Variants in PPIB observed in about 807,000 individuals in gnomAD.
The protein encoded by PPIB is peptidylprolyl isomerase B.
Under a neutral mutation model 20.1 loss-of-function variants are expected in PPIB, and 15 were observed. The observed-to-expected ratio is 0.75, with a 90% CI of 0.50 to 1.15. The LOEUF is 1.15. PPIB is among the 50% of genes most tolerant of loss of function. The pLI is 0.00. For missense variants in PPIB, 278 were observed against 283.0 expected (o/e 0.98, Z 0.13); for synonymous variants, 129 against 111.0 (o/e 1.16, Z -1.02).
At chr15:64,162,592 G>C (rs982611840) in intron 1 of PPIB, among the ~76,000 whole-genome samples, 4 of 152,204 alleles carry the variant, frequency 2.6e-5, no homozygotes, top group Non-Finnish European at 4.4e-5. Flanking sequence ...GCACTGAGGG[G>C]TGTTTGCAAA....
In PPIB at chr15:64,156,396, G is replaced by C; in HGVS notation, c.529-251C>G. The C allele has an allele frequency of 3.2e-6, 2 of 633,450 alleles. No homozygotes were observed. Among genetic ancestry groups the C allele is most frequent in the Non-Finnish European group, 5.6e-6 (2 of 356,782 alleles). The allele number at this position is 633,450 out of a possible 1,614,324, so 39.2% of individuals were successfully genotyped here. On this transcript the variant is annotated intron_variant, in intron 4 of 4. Coordinates refer to ENST00000300026, the MANE Select transcript of PPIB (RefSeq NM_000942.5). This position sits in a 1 kb window ranked among gnomAD's most constrained non-coding sequence, Gnocchi z 6.4. ...GGCCAAGGGTGAGGAGGAGGAAGAGGGTGACCAGGGCATGTGGCTTCTCAG... is the reference window on the plus strand; with the variant it reads ...GGCCAAGGGTGAGGAGGAGGAAGAGCGTGACCAGGGCATGTGGCTTCTCAG...
Position 64,160,328 on chromosome 15 carries a change from G to T in PPIB, c.250-131C>A. The stretch of plus-strand genomic sequence containing the variant: ...GACACCACTGCTGACCACTTTCACT[G>T]TTCAGTGTGCTACTAAGTGAGCGGG... On this transcript the variant is annotated intron_variant, in intron 2 of 4. Coordinates refer to ENST00000300026, the MANE Select transcript of PPIB (RefSeq NM_000942.5). This position sits in a 1 kb window ranked among gnomAD's most constrained non-coding sequence, Gnocchi z 4.8. 1 of 769,058 alleles carries T rather than the reference G, an allele frequency of 1.3e-6. No individual in the cohort carries two copies. The highest frequency in any genetic ancestry group is 2.3e-6 in the Non-Finnish European group (1 of 436,762). The allele number at this position is 769,058 out of a possible 1,614,324, so 47.6% of individuals were successfully genotyped here. A position where few individuals can be genotyped will look rare whatever the true frequency, so the allele number is the denominator to read the frequency against.
At chr15:64,162,374 A>C (rs1395270823) in intron 1 of PPIB, among the ~76,000 whole-genome samples, 2 of 152,210 alleles carry the variant, frequency 1.3e-5, no homozygotes, top group African/African-American at 4.8e-5. Flanking sequence ...CCCTCCTTGG[A>C]CTACAGGATA....
At position 64,158,087 on chromosome 15, in the gene PPIB, G is replaced by A. The variant is rs529454711; in HGVS notation, c.344-1178C>T. Among the ~76,000 whole-genome samples, 60 of 152,198 alleles carry A rather than the reference G, an allele frequency of 3.9e-4. No individual in the cohort carries two copies. Among genetic ancestry groups the A allele is most frequent in the Non-Finnish European group, 8.2e-4 (56 of 68,006 alleles). On this transcript the variant is annotated intron_variant, in intron 3 of 4. Transcript: ENST00000300026. The surrounding 1 kb of genome is among the most constrained non-coding windows in gnomAD (Gnocchi z 4.7). ...TCCAGCCACTCTCTCAAGATACAGG[G>A]GTTCCAAACTCAAATGGACATTTCT...
At position 64,163,017 on chromosome 15, in the gene PPIB, G is replaced by T. The variant is rs776824072; in HGVS notation, c.-31C>A. 1.9e-6 allele frequency: 3 copies of T among 1,609,188 alleles called. No individual in the cohort carries two copies. The highest frequency in any genetic ancestry group is 2.5e-6 in the Non-Finnish European group (3 of 1,178,532). ...GGCGGAGGCGAAAGCAGCCCGGACA[G>T]CTGAGGCCGGAAGAGGGTGGGGCCG... On this transcript the variant is annotated 5_prime_UTR_variant, in exon 1 of 5. In the 5' UTR this introduces an upstream ATG that the reference lacks. Transcript: ENST00000300026.
Position 64,156,402 on chromosome 15 carries a change from C to T in PPIB, c.529-257G>A, listed in dbSNP as rs1343679287. The T allele has an allele frequency of 3.2e-6, 2 of 630,168 alleles. No homozygotes were observed. The highest frequency in any genetic ancestry group is 5.6e-5 in the East Asian group (2 of 35,970). 39.0% of individuals were successfully genotyped at this position (630,168 alleles called of 1,614,324 possible). A position where few individuals can be genotyped will look rare whatever the true frequency, so the allele number is the denominator to read the frequency against. On this transcript the variant is annotated intron_variant, in intron 4 of 4. Coordinates refer to ENST00000300026, the MANE Select transcript of PPIB (RefSeq NM_000942.5). This position sits in a 1 kb window ranked among gnomAD's most constrained non-coding sequence, Gnocchi z 6.4. The stretch of plus-strand genomic sequence containing the variant: ...GGGTGAGGAGGAGGAAGAGGGTGAC[C>T]AGGGCATGTGGCTTCTCAGGGACAT...
chr15:64,162,823 C>A (rs1412915430), intron 1 of PPIB, 29 bp downstream of exon 1: 1 of 1,605,262 alleles, frequency 6.2e-7, no homozygotes, highest in Non-Finnish European at 8.5e-7. Context: ...CGAGCTCCGG[C>A]ACCGTAAATG....
At chr15:64,162,197 C>T (rs759832944) in intron 1 of PPIB, 43 bp from the exon 2 acceptor site, 111 of 1,438,006 alleles carry the variant, frequency 7.7e-5, no homozygotes, top group Non-Finnish European at 1.0e-4. Flanking sequence ...TTTAAAGGGG[C>T]GTTGCTAGGG....
Position 64,161,520 on chromosome 15 carries a change from G to A in PPIB, c.249+521C>T, listed in dbSNP as rs1349366809. Among the ~76,000 whole-genome samples the A allele has an allele frequency of 6.6e-6, 1 of 151,928 alleles. No homozygotes were observed. The highest frequency in any genetic ancestry group is 1.5e-5 in the Non-Finnish European group (1 of 67,992). ...GCAGGCGGATCACCAGAGGTCAGGA[G>A]TTCGAGTTCAGCCTGGCCAACATGG... On this transcript the variant is annotated intron_variant, in intron 2 of 4. Coordinates refer to ENST00000300026, the MANE Select transcript of PPIB (RefSeq NM_000942.5). This position sits in a 1 kb window ranked among gnomAD's most constrained non-coding sequence, Gnocchi z 4.2.
rs578127662 is a variant in PPIB at position 64,160,076 on chromosome 15, C to A, written c.343+28G>T. On this transcript the variant is annotated intron_variant, in intron 3 of 4. Transcript: ENST00000300026. The surrounding 1 kb of genome is among the most constrained non-coding windows in gnomAD (Gnocchi z 4.8). Reference sequence around the variant, plus strand: ...CCACTGTGGAGGCTACACTGACATACTCCTTGGCCCAGAGGACCTGTGGTT... The same window carrying A: ...CCACTGTGGAGGCTACACTGACATAATCCTTGGCCCAGAGGACCTGTGGTT... 1 of 1,569,936 alleles carries A rather than the reference C, an allele frequency of 6.4e-7. No homozygotes were observed. Among genetic ancestry groups the A allele is most frequent in the African/African-American group, 1.4e-5 (1 of 74,014 alleles).
chr15:64,161,029 C>T lies in PPIB; in HGVS notation c.250-832G>A, dbSNP rs1006181239. Among the ~76,000 whole-genome samples the T allele has an allele frequency of 6.6e-6, 1 of 151,908 alleles. No individual in the cohort carries two copies. Among genetic ancestry groups the T allele is most frequent in the South Asian group, 2.1e-4 (1 of 4,812 alleles). On this transcript the variant is annotated intron_variant, in intron 2 of 4. Transcript: ENST00000300026. This position sits in a 1 kb window ranked among gnomAD's most constrained non-coding sequence, Gnocchi z 4.2. ...AGGCTAGAGTGCAGTGGGGCAATCT[C>T]GGCTCACTGCAACCTCCACCTCCTG... is the stretch of plus-strand genomic sequence containing the variant.
In PPIB at chr15:64,162,172, T is replaced by C. The variant is rs1247410370; in HGVS notation, c.136-18A>G. 1.3e-6 allele frequency: 2 copies of C among 1,582,178 alleles called. No individual in the cohort carries two copies. The highest frequency in any genetic ancestry group is 8.7e-7 in the Non-Finnish European group (1 of 1,150,908). On this transcript the variant is annotated intron_variant, in intron 1 of 4. Transcript: ENST00000300026. ...AAATACACCTGAGGAAAGAGACCAT[T>C]TCCAACTTAGCTTCTTTAAAGGGGC...
In PPIB at chr15:64,162,920, A is replaced by C; in HGVS notation, c.67T>G (p.Phe23Val). 1.2e-6 allele frequency: 2 copies of C among 1,613,574 alleles called. No individual in the cohort carries two copies. Among genetic ancestry groups the C allele is most frequent in the Non-Finnish European group, 8.5e-7 (1 of 1,179,868 alleles). Reference sequence around the variant, plus strand: ...GAAGGTCCCGGCAGCAGCAGGAAGAAGACGGACCCCGCGATGAGGGCGGCG... The same window carrying C: ...GAAGGTCCCGGCAGCAGCAGGAAGACGACGGACCCCGCGATGAGGGCGGCG... ...LAAALIAGSV[F>V]FLLLPGPSAA... Residue 23 changes from phenylalanine to valine, a missense_variant, in exon 1 of 5, where the codon TTC becomes GTC. Physicochemically the swap from Phe to Val is conservative, Grantham distance 50. Coordinates refer to ENST00000300026, the MANE Select transcript of PPIB (RefSeq NM_000942.5).
At position 64,156,209 on chromosome 15, in the gene PPIB, G is replaced by C. The variant is rs554627987; in HGVS notation, c.529-64C>G. ...CAGGAGGTCCACCGCTCAGGAGAAA[G>C]GCCCCAGCGTATGGCTCAGGAGGGC... On this transcript the variant is annotated intron_variant, in intron 4 of 4. Coordinates refer to ENST00000300026, the MANE Select transcript of PPIB (RefSeq NM_000942.5). This position sits in a 1 kb window ranked among gnomAD's most constrained non-coding sequence, Gnocchi z 6.4. 3,895 of 1,602,348 alleles carry C rather than the reference G, an allele frequency of 2.4e-3. 61 individuals are homozygous for C. The South Asian group carries it at 0.027, about 11-fold the overall frequency.
In PPIB at chr15:64,162,993, G is replaced by A. The variant is rs1378812578; in HGVS notation, c.-7C>T. On this transcript the variant is annotated 5_prime_UTR_variant, in exon 1 of 5. Transcript: ENST00000300026. ...GTTCGGAGAGGCGCAGCATCCACAG[G>A]CGGAGGCGAAAGCAGCCCGGACAGC... is the stretch of plus-strand genomic sequence containing the variant. The A allele has an allele frequency of 1.2e-6, 2 of 1,612,694 alleles. No homozygotes were observed. Among genetic ancestry groups the A allele is most frequent in the Admixed American group, 1.7e-5 (1 of 59,978 alleles).
chr15:64,156,383 G>C lies in PPIB; in HGVS notation c.529-238C>G, dbSNP rs2081531645. 3.1e-6 allele frequency: 2 copies of C among 647,330 alleles called. No homozygotes were observed. The highest frequency in any genetic ancestry group is 5.5e-6 in the Non-Finnish European group (2 of 366,544). The allele number at this position is 647,330 out of a possible 1,614,324, so 40.1% of individuals were successfully genotyped here. Reference sequence around the variant, plus strand: ...AAGACCCAGGTTGGGCCAAGGGTGAGGAGGAGGAAGAGGGTGACCAGGGCA... The same window carrying C: ...AAGACCCAGGTTGGGCCAAGGGTGACGAGGAGGAAGAGGGTGACCAGGGCA... On this transcript the variant is annotated intron_variant, in intron 4 of 4. Coordinates refer to ENST00000300026, the MANE Select transcript of PPIB (RefSeq NM_000942.5). The surrounding 1 kb of genome is among the most constrained non-coding windows in gnomAD (Gnocchi z 6.4).
At chr15:64,162,459 C>G (rs1200247967) in intron 1 of PPIB, among the ~76,000 whole-genome samples, 2 of 152,180 alleles carry the variant, frequency 1.3e-5, no homozygotes, top group East Asian at 3.8e-4. Flanking sequence ...GGAGCGGAGC[C>G]TAAGTTCACC....
intron 1 of PPIB, among the ~76,000 whole-genome samples, chr15:64,162,508 GA>G (rs2081568539): frequency 1.3e-5 from 2 of 152,206 alleles, no homozygotes; most frequent in South Asian, 4.1e-4. Context: ...TTTGTAATTG[GA>G]AGTGGCTAAA....
rs1209686849 is a variant in PPIB at position 64,156,221 on chromosome 15, T to C, written c.529-76A>G. On this transcript the variant is annotated intron_variant, in intron 4 of 4. Coordinates refer to ENST00000300026, the MANE Select transcript of PPIB (RefSeq NM_000942.5). This position sits in a 1 kb window ranked among gnomAD's most constrained non-coding sequence, Gnocchi z 6.4. Reference sequence around the variant, plus strand: ...CGCTCAGGAGAAAGGCCCCAGCGTATGGCTCAGGAGGGCTAAGACCCACAA... The same window carrying C: ...CGCTCAGGAGAAAGGCCCCAGCGTACGGCTCAGGAGGGCTAAGACCCACAA... 5 of 1,584,338 alleles carry C rather than the reference T, an allele frequency of 3.2e-6. No homozygotes were observed. In the African/African-American group the frequency reaches 5.4e-5, roughly 17 times the overall value.
Sources: allele counts gnomAD v4.1 joint callset (sites outside exome capture counted in the v4.1 genomes callset), GRCh38; gene constraint gnomAD v4.1.1; non-coding constraint Gnocchi (gnomAD v3.1); transcripts MANE v1.5; gene names NCBI Gene and HGNC (gene_info 2026-07-23, HGNC 2026-07-21).